The following TMEM205 variants were observed in gnomAD, a reference collection of about 807,000 sequenced individuals.
The protein encoded by TMEM205 is transmembrane protein 205, also known as MBC3205.
In TMEM205, 11 loss-of-function variants were observed where a neutral mutation model predicts 17.9. That is an observed-to-expected ratio of 0.61 (90% confidence interval 0.39 to 1.02). The LOEUF (loss-of-function observed/expected upper bound fraction) is 1.02. Ranked by LOEUF, TMEM205 falls within the 50% of genes least tolerant of loss-of-function variation. The pLI, the probability that TMEM205 is intolerant of heterozygous loss-of-function variation, is 0.01. For missense variants in TMEM205, 236 were observed against 239.4 expected (o/e 0.99, Z 0.09); for synonymous variants, 86 against 97.4 (o/e 0.88, Z 0.69).
upstream of TMEM205, chr19:11,346,471 C>A (rs567819013): frequency 9.4e-7 from 1 of 1,067,350 alleles, no homozygotes; most frequent in East Asian, 2.6e-5. Flanking sequence ...AGGCCTTCGG[C>A]TACTCCGGCA....
chr19:11,344,137 G>T (rs535086788), intron 2 of TMEM205, among the ~76,000 whole-genome samples: 1 of 151,816 alleles, frequency 6.6e-6, no homozygotes, highest in South Asian at 2.1e-4. Flanking sequence ...TAGAGACGGG[G>T]TTTCACCATG....
chr19:11,346,381 T>G (rs887457626), upstream of TMEM205: 1 of 613,984 alleles, frequency 1.6e-6, no homozygotes, highest in Non-Finnish European at 2.9e-6. Flanking sequence ...GAAACCCCCC[T>G]GGGATCCCGC....
At position 11,345,428 on chromosome 19, in the gene TMEM205, G is replaced by T; in HGVS notation, c.101-13C>A. On this transcript the variant is annotated splice_polypyrimidine_tract_variant and intron_variant, in intron 1 of 2. Coordinates refer to ENST00000354882, the MANE Select transcript of TMEM205 (RefSeq NM_198536.3). ...AAAAGCAGGAAGCCTGCAGGGTATG[G>T]GGACCACAGGGGTGTTAGGGCACTT... is the stretch of plus-strand genomic sequence containing the variant. 6.2e-7 allele frequency: 1 copy of T among 1,614,102 alleles called. No homozygotes were observed. Among genetic ancestry groups the T allele is most frequent in the African/African-American group, 1.3e-5 (1 of 75,030 alleles).
Position 11,342,920 on chromosome 19 carries a change from C to G in TMEM205, c.465G>C (p.Gln155His). ...EKDPKYSALR[Q>H]NFFRYHGLSS... ...ACAGCCCATGGTAGCGGAAGAAATT[C>G]TGGCGGAGAGCACTGTACTTGGGGT... The change falls in exon 3 of 3, where the codon CAG (glutamine) becomes CAC (histidine). Residue 155 changes from glutamine to histidine, a missense_variant. Physicochemically the swap from Gln to His is conservative, Grantham distance 24 (BLOSUM62 0). Transcript: ENST00000354882. 1 of 1,614,206 alleles carries G rather than the reference C, an allele frequency of 6.2e-7. No homozygotes were observed. Among genetic ancestry groups the G allele is most frequent in the Non-Finnish European group, 8.5e-7 (1 of 1,180,030 alleles).
Position 11,345,692 on chromosome 19 carries a change from T to C in TMEM205, c.-73A>G. 8 of 1,589,040 alleles carry C rather than the reference T, an allele frequency of 5.0e-6. No individual in the cohort carries two copies. Among genetic ancestry groups the C allele is most frequent in the African/African-American group, 1.3e-5 (1 of 74,448 alleles). Reference sequence around the variant, plus strand: ...TGCCTCATGCGTGGCCTTCAGACCCTGTGAGCCCGCTCGGGGACAGGGTTA... The same window carrying C: ...TGCCTCATGCGTGGCCTTCAGACCCCGTGAGCCCGCTCGGGGACAGGGTTA... On this transcript the variant is annotated 5_prime_UTR_variant, in exon 1 of 3. Coordinates refer to ENST00000354882, the MANE Select transcript of TMEM205 (RefSeq NM_198536.3).
chr19:11,344,456 C>T (rs1042773983), intron 2 of TMEM205, among the ~76,000 whole-genome samples: 3 of 152,250 alleles, frequency 2.0e-5, no homozygotes, highest in East Asian at 1.9e-4. Context: ...CACTTACCCA[C>T]GTCTATGAAA....
In TMEM205 at chr19:11,345,309, G is replaced by C; in HGVS notation, c.207C>G (p.Leu69=). 3 of 1,614,210 alleles carry C rather than the reference G, an allele frequency of 1.9e-6. No individual in the cohort carries two copies. The highest frequency in any genetic ancestry group is 2.5e-6 in the Non-Finnish European group (3 of 1,180,034). The change falls in exon 2 of 3, where the codon CTC becomes CTG. Residue 69 remains leucine, a synonymous_variant. Coordinates refer to ENST00000354882, the MANE Select transcript of TMEM205 (RefSeq NM_198536.3). ...HISMGCAFIN[L]CILASQHAWA... ...AAGCATGCTGTGAAGCCAAGATGCA[G>C]AGGTTGATGAAGGCACAGCCCATGG...
chr19:11,343,178 G>C (rs1967009239), intron 2 of TMEM205, 58 bp from the exon 3 acceptor site: 19 of 1,547,314 alleles, frequency 1.2e-5, no homozygotes, highest in Non-Finnish European at 1.6e-5. Flanking sequence ...AGGGGCCCTA[G>C]GGAGGGTCTT....
At position 11,345,567 on chromosome 19, in the gene TMEM205, A is replaced by T; in HGVS notation, c.53T>A (p.Val18Asp). ...TTGCATGCCCCAGGCACCTGACAAG[A>T]CCAGTAGATGGACCATCTTAATCAG... The part of the protein sequence containing the change: ...GGLIKMVHLL[V>D]LSGAWGMQMW... Residue 18 changes from valine (V) to aspartate (D), a missense_variant, in exon 1 of 3, where the codon GTC becomes GAC. By Grantham distance (152) the Val-to-Asp change is radical. Transcript: ENST00000354882. 2 of 1,614,042 alleles carry T rather than the reference A, an allele frequency of 1.2e-6. No homozygotes were observed. The highest frequency in any genetic ancestry group is 1.7e-6 in the Non-Finnish European group (2 of 1,179,988).
Position 11,346,245 on chromosome 19 carries a change from C to T in TMEM205, c.-626G>A, listed in dbSNP as rs1428666224. 6 of 347,262 alleles carry T rather than the reference C, an allele frequency of 1.7e-5. No individual in the cohort carries two copies. The highest frequency in any genetic ancestry group is 1.1e-4 in the African/African-American group (5 of 45,104). 21.5% of individuals were successfully genotyped at this position (347,262 alleles called of 1,614,324 possible). A position where few individuals can be genotyped will look rare whatever the true frequency, so the allele number is the denominator to read the frequency against. On this transcript the variant is annotated 5_prime_UTR_variant, in exon 1 of 3. Transcript: ENST00000354882. ...CCCCCGGGTGGACAGCGACCCTCCT[C>T]GGCCGCGTCCCCTCGTGGGTTTCCC...
chr19:11,343,374 C>T (rs552670195), intron 2 of TMEM205, among the ~76,000 whole-genome samples: 8 of 152,342 alleles, frequency 5.3e-5, no homozygotes, highest in Admixed American at 3.3e-4. Flanking sequence ...CAAAACCTCC[C>T]GAGCCTCTTC....
Position 11,345,905 on chromosome 19 carries a change from A to G in TMEM205, c.-286T>C, listed in dbSNP as rs971086714. On this transcript the variant is annotated 5_prime_UTR_variant, in exon 1 of 3. Coordinates refer to ENST00000354882, the MANE Select transcript of TMEM205 (RefSeq NM_198536.3). ...CCCAAATTTCAGCCACAGCAGCTCC[A>G]GATCATAGCCCTAGGTCTTCAGAGA... 72 of 424,822 alleles carry G rather than the reference A, an allele frequency of 1.7e-4. 1 individual carries two copies. The highest frequency in any genetic ancestry group is 3.0e-5 in the Non-Finnish European group (7 of 234,240). 26.3% of individuals were successfully genotyped at this position (424,822 alleles called of 1,614,324 possible).
chr19:11,344,089 C>T (rs1023004065), intron 2 of TMEM205, among the ~76,000 whole-genome samples: 13 of 151,744 alleles, frequency 8.6e-5, no homozygotes, highest in African/African-American at 2.7e-4. Context: ...GGATTACAGG[C>T]GCACACCACC....
intron 2 of TMEM205, chr19:11,344,720 C>G (rs992707606): frequency 6.5e-6 from 1 of 152,964 alleles, no homozygotes; most frequent in Admixed American, 6.5e-5. Context: ...GACAGGGCTG[C>G]TGGGGACTGT....
intron 2 of TMEM205, 183 bp downstream of exon 2, chr19:11,345,069 G>T: frequency 1.8e-6 from 1 of 566,468 alleles, no homozygotes; most frequent in Non-Finnish European, 3.1e-6. Flanking sequence ...TGTTGGTCAG[G>T]CTGGTCTTGA....
At chr19:11,343,940 C>CT (rs1160054893) in intron 2 of TMEM205, among the ~76,000 whole-genome samples, 9,720 of 124,592 alleles carry the variant, frequency 0.078, 996 homozygotes, top group African/African-American at 0.21. Context: ...AGACCCTCAT[C>CT]TTTTTTTTTT....
chr19:11,345,305 T>C lies in TMEM205; in HGVS notation c.211A>G (p.Ile71Val). The C allele has an allele frequency of 6.2e-7, 1 of 1,614,136 alleles. No homozygotes were observed. Among genetic ancestry groups the C allele is most frequent in the South Asian group, 1.1e-5 (1 of 91,088 alleles). The change falls in exon 2 of 3, where the codon ATC (isoleucine) becomes GTC (valine). Residue 71 changes from isoleucine (I) to valine (V), a missense_variant. Coordinates refer to ENST00000354882, the MANE Select transcript of TMEM205 (RefSeq NM_198536.3). ...GCCCAAGCATGCTGTGAAGCCAAGA[T>C]GCAGAGGTTGATGAAGGCACAGCCC... The part of the protein sequence containing the change: ...SMGCAFINLC[I>V]LASQHAWAQL...
In TMEM205 at chr19:11,345,566, G is replaced by A. The variant is rs1967171353; in HGVS notation, c.54C>T (p.Val18=). Residue 18 remains valine (V), a synonymous_variant, in exon 1 of 3, where the codon GTC becomes GTT. Coordinates refer to ENST00000354882, the MANE Select transcript of TMEM205 (RefSeq NM_198536.3). ...GGLIKMVHLL[V]LSGAWGMQMW... is the part of the protein sequence containing the mutation. Reference sequence around the variant, plus strand: ...TTTGCATGCCCCAGGCACCTGACAAGACCAGTAGATGGACCATCTTAATCA... The same window carrying A: ...TTTGCATGCCCCAGGCACCTGACAAAACCAGTAGATGGACCATCTTAATCA... 1.1e-5 allele frequency: 17 copies of A among 1,614,096 alleles called. No homozygotes were observed. The highest frequency in any genetic ancestry group is 1.4e-5 in the Non-Finnish European group (17 of 1,180,020).
chr19:11,345,505 G>C lies in TMEM205; in HGVS notation c.100+15C>G. ...CACCCCAGGTACCCATGACATCCAA[G>C]CTGAGGGTCCCTACCTGAGACGAAG... On this transcript the variant is annotated intron_variant, in intron 1 of 2. Transcript: ENST00000354882. 6.2e-7 allele frequency: 1 copy of C among 1,614,088 alleles called. No homozygotes were observed. Among genetic ancestry groups the C allele is most frequent in the South Asian group, 1.1e-5 (1 of 91,080 alleles).
Sources: gnomAD v4.1 joint callset for allele counts (sites outside exome capture counted in the v4.1 genomes callset) on GRCh38, gnomAD v4.1.1 for gene constraint, MANE v1.5 for transcripts, NCBI Gene and HGNC (gene_info 2026-07-23, HGNC 2026-07-21) for gene names.